The following INTS9 variants were observed in gnomAD, a reference collection of about 807,000 sequenced individuals.
INTS9 encodes protein related to CPSF subunits of 74 kDa.
A neutral mutation model predicts 79.7 loss-of-function variants in INTS9; 55 were observed. The ratio of observed to expected loss-of-function variants is 0.69; its 90% CI spans 0.56 to 0.86. The LOEUF is 0.86. INTS9 is among the 40% of genes least tolerant of loss of function. INTS9 has a pLI of 0.00. For missense variants in INTS9, 721 were observed against 831.5 expected (o/e 0.87, Z 1.64); for synonymous variants, 319 against 325.2 (o/e 0.98, Z 0.20).
chr8:28,790,993 G>T (rs1240371578), intron 10 of INTS9, among the ~76,000 whole-genome samples: 1 of 152,178 alleles, frequency 6.6e-6, no homozygotes, highest in East Asian at 1.9e-4. Context: ...TTTGTTTGGG[G>T]TCAACACGAT....
intron 4 of INTS9, among the ~76,000 whole-genome samples, chr8:28,844,557 G>A (rs963186843): frequency 2.0e-5 from 3 of 152,080 alleles, no homozygotes; most frequent in Admixed American, 1.3e-4. Flanking sequence ...TGGGCGTGGT[G>A]GGTCACGCCT....
intron 10 of INTS9, 66 bp downstream of exon 10, chr8:28,793,741 T>C: frequency 7.7e-7 from 1 of 1,294,448 alleles, no homozygotes; most frequent in Non-Finnish European, 1.0e-6. Context: ...ATTATTTTTA[T>C]TCTTACTGCT....
At chr8:28,817,819 C>G (rs370111721) in intron 6 of INTS9, among the ~76,000 whole-genome samples, 5 of 146,830 alleles carry the variant, frequency 3.4e-5, no homozygotes, top group East Asian at 4.3e-4. Context: ...TTTGTACCCT[C>G]TTTTATTTCA....
chr8:28,878,640 T>TA (rs1368517130), intron 1 of INTS9, among the ~76,000 whole-genome samples: 5 of 149,504 alleles, frequency 3.3e-5, no homozygotes, highest in South Asian at 2.2e-4. Context: ...TTTTTTTTTT[T>TA]TAAAAAAAAA....
chr8:28,818,321 G>T (rs1233427274), intron 6 of INTS9, among the ~76,000 whole-genome samples: 1 of 149,894 alleles, frequency 6.7e-6, no homozygotes, highest in South Asian at 2.1e-4. Context: ...TTTGAGATAC[G>T]TCCCATCAAT....
At chr8:28,858,985 T>C (rs1468521786) in intron 2 of INTS9, among the ~76,000 whole-genome samples, 1 of 152,086 alleles carries the variant, frequency 6.6e-6, no homozygotes, top group Non-Finnish European at 1.5e-5. Context: ...GAACTTGGGC[T>C]ACATATGTGG....
chr8:28,804,390 G>T (rs1485203967), intron 8 of INTS9, among the ~76,000 whole-genome samples: 1 of 152,208 alleles, frequency 6.6e-6, no homozygotes, highest in African/African-American at 2.4e-5. Context: ...TGGAGGAGAG[G>T]CTGGGTAAAA....
At chr8:28,826,378 G>T (rs913012213) in intron 6 of INTS9, among the ~76,000 whole-genome samples, 3 of 152,138 alleles carry the variant, frequency 2.0e-5, no homozygotes, top group African/African-American at 7.2e-5. Context: ...ACCATGTTTG[G>T]GTAGAGGTGA....
At chr8:28,849,568 T>C (rs748568619) in intron 3 of INTS9, among the ~76,000 whole-genome samples, 2 of 152,004 alleles carry the variant, frequency 1.3e-5, no homozygotes, top group East Asian at 1.9e-4. Context: ...TCACAGATCA[T>C]AGTGTCGGAG....
chr8:28,868,830 C>T (rs140148726), intron 1 of INTS9, among the ~76,000 whole-genome samples: 2,165 of 152,222 alleles, frequency 0.014, 55 homozygotes, highest in Non-Finnish European at 0.017. Flanking sequence ...GGGCTGGATG[C>T]GGTGGCTCAT....
chr8:28,831,740 C>T (rs1416387497), intron 6 of INTS9, among the ~76,000 whole-genome samples: 2 of 152,146 alleles, frequency 1.3e-5, no homozygotes, highest in African/African-American at 4.8e-5. Context: ...GCTCTGTCCC[C>T]CAGGCTGGAG....
At chr8:28,813,345 T>G (rs1415499780) in intron 7 of INTS9, 147 bp downstream of exon 7, 2 of 777,700 alleles carry the variant, frequency 2.6e-6, no homozygotes, top group Non-Finnish European at 2.1e-6. Flanking sequence ...AATAAAATCC[T>G]GCGCGGAACG....
intron 6 of INTS9, among the ~76,000 whole-genome samples, chr8:28,824,102 G>A (rs1033191078): frequency 1.1e-4 from 17 of 152,152 alleles, no homozygotes; most frequent in African/African-American, 3.6e-4. Context: ...TCACATAAGG[G>A]GAATGACACG....
At chr8:28,770,134 C>G in intron 15 of INTS9, 108 bp from the exon 16 acceptor site, 1 of 1,389,186 alleles carries the variant, frequency 7.2e-7, no homozygotes, top group Admixed American at 2.5e-5. Context: ...GGCCACAGAG[C>G]CCCGGCCCGG....
chr8:28,773,202 G>T (rs1040857902), intron 14 of INTS9, among the ~76,000 whole-genome samples: 1 of 152,172 alleles, frequency 6.6e-6, no homozygotes, highest in African/African-American at 2.4e-5. Flanking sequence ...AGTGGCTCAC[G>T]CCTGTAATCC....
In INTS9 at chr8:28,859,553, G is replaced by A. The variant is rs1808342004; in HGVS notation, c.20C>T (p.Ser7Leu). The change falls in exon 2 of 17, where the codon TCA becomes TTA. Residue 7 changes from serine (S) to leucine (L), a missense_variant. Coordinates refer to ENST00000521022, the MANE Select transcript of INTS9 (RefSeq NM_018250.4). ...ATTGCATGGTAAGGTTGGGTGCCCT[G>A]ACAGGCAATACTGAAAAAAATTAAA... MKLYCL[S>L]GHPTLPCNVL... 20 of 1,614,056 alleles carry A rather than the reference G, an allele frequency of 1.2e-5. No homozygotes were observed. Among genetic ancestry groups the A allele is most frequent in the Non-Finnish European group, 1.7e-5 (20 of 1,179,952 alleles).
chr8:28,792,374 G>C (rs73669448), intron 10 of INTS9, among the ~76,000 whole-genome samples: 3 of 152,102 alleles, frequency 2.0e-5, no homozygotes, highest in African/African-American at 4.8e-5. Context: ...AAGAAAGTAT[G>C]TTTAGCCATG....
At chr8:28,852,386 G>A (rs917244216) in intron 2 of INTS9, among the ~76,000 whole-genome samples, 2 of 150,402 alleles carry the variant, frequency 1.3e-5, no homozygotes, top group Admixed American at 1.3e-4. Context: ...AGAAAAATAT[G>A]CTATTACCAT....
intron 1 of INTS9, among the ~76,000 whole-genome samples, chr8:28,864,345 T>G (rs1002375719): frequency 6.6e-6 from 1 of 152,214 alleles, no homozygotes; most frequent in Non-Finnish European, 1.5e-5. Flanking sequence ...TAACTAAGAA[T>G]TCACTATTTC....
Sources: allele counts gnomAD v4.1 joint callset (sites outside exome capture counted in the v4.1 genomes callset), GRCh38; gene constraint gnomAD v4.1.1; transcripts MANE v1.5; gene names NCBI Gene and HGNC (gene_info 2026-07-23, HGNC 2026-07-21).